The following COL25A1 variants were observed in gnomAD, a reference collection of about 807,000 sequenced individuals.
The protein encoded by COL25A1 is collagen type XXV alpha 1 chain.
A neutral mutation model predicts 128.4 loss-of-function variants in COL25A1; 103 were observed. That is an observed-to-expected ratio of 0.80 (90% confidence interval 0.68 to 0.94). The LOEUF (loss-of-function observed/expected upper bound fraction) is 0.94, where lower values mean the gene tolerates loss of function less well. Among genes scored for constraint, COL25A1 ranks in the 40% least tolerant of loss-of-function variants. The pLI is 0.00. For synonymous variants in COL25A1, 279 were observed against 277.2 expected (o/e 1.01, Z -0.06); for missense variants, 745 against 840.0 (o/e 0.89, Z 1.40).
intron 3 of COL25A1, among the ~76,000 whole-genome samples, chr4:109,092,447 C>T (rs1223886968): frequency 6.6e-6 from 1 of 152,140 alleles, no homozygotes; most frequent in African/African-American, 2.4e-5. Flanking sequence ...TATGGTCATG[C>T]CACTGCATTC....
chr4:109,011,919 T>A (rs541366276), intron 5 of COL25A1, among the ~76,000 whole-genome samples: 35 of 152,346 alleles, frequency 2.3e-4, no homozygotes, highest in African/African-American at 8.2e-4. Flanking sequence ...AACTGATACG[T>A]ATACAGAAGC....
intron 6 of COL25A1, among the ~76,000 whole-genome samples, chr4:108,989,955 G>GT: frequency 6.6e-6 from 1 of 151,828 alleles, no homozygotes; most frequent in Non-Finnish European, 1.5e-5. Flanking sequence ...GCTTACTCCC[G>GT]TAATGCCAAC....
chr4:109,160,263 G>T lies in COL25A1; in HGVS notation c.368-110084C>A, dbSNP rs972148508. ...CCATGAGTAAATAAAGGTCTGAGAA[G>T]AAACACAATCACTCCTTAAAGTTGA... On this transcript the variant is annotated intron_variant, in intron 3 of 37. Transcript: ENST00000399132. Among the ~76,000 whole-genome samples, 16 of 152,202 alleles carry T rather than the reference G, an allele frequency of 1.1e-4. No individual in the cohort carries two copies. In the Middle Eastern group the frequency reaches 0.01, roughly 97 times the overall value.
chr4:109,048,123 A>G, intron 5 of COL25A1, 45 bp downstream of exon 5: 1 of 1,600,310 alleles, frequency 6.2e-7, no homozygotes, highest in Non-Finnish European at 8.6e-7. Context: ...AACATACACA[A>G]TCCTGATAAA....
At chr4:109,257,880 A>G (rs1283001232) in intron 3 of COL25A1, among the ~76,000 whole-genome samples, 2 of 152,244 alleles carry the variant, frequency 1.3e-5, no homozygotes, top group Admixed American at 6.5e-5. Flanking sequence ...CCAAAATTTA[A>G]CAATGGTCAC....
intron 8 of COL25A1, among the ~76,000 whole-genome samples, chr4:108,947,644 TCTCCTCACAA>T (rs1748935382): frequency 6.6e-6 from 1 of 152,088 alleles, no homozygotes; most frequent in African/African-American, 2.4e-5. Context: ...GAATGGTAAT[TCTCCTCACAA>T]AAATTCTAGT....
chr4:109,071,463 C>A (rs753968864), intron 3 of COL25A1, among the ~76,000 whole-genome samples: 12,969 of 151,914 alleles, frequency 0.085, 615 homozygotes, highest in African/African-American at 0.1. Context: ...TAACTAAACT[C>A]AAGAGCTTCT....
intron 3 of COL25A1, among the ~76,000 whole-genome samples, chr4:109,050,722 G>A (rs950474071): frequency 1.8e-4 from 28 of 152,028 alleles, no homozygotes; most frequent in African/African-American, 6.0e-4. Flanking sequence ...GAATTTCACC[G>A]ATCAACAACC....
At chr4:109,069,118 T>G (rs114089110) in intron 3 of COL25A1, among the ~76,000 whole-genome samples, 2,216 of 151,956 alleles carry the variant, frequency 0.015, 47 homozygotes, top group African/African-American at 0.051. Flanking sequence ...ATTTAAATAT[T>G]TTAAACTTTA....
intron 11 of COL25A1, among the ~76,000 whole-genome samples, chr4:108,928,956 C>T (rs1046484421): frequency 1.4e-4 from 22 of 152,182 alleles, no homozygotes; most frequent in African/African-American, 5.3e-4. Context: ...GGATTCTAGC[C>T]TGGTTCTGCC....
intron 6 of COL25A1, among the ~76,000 whole-genome samples, chr4:109,004,854 T>C (rs1264266897): frequency 6.6e-6 from 1 of 152,210 alleles, no homozygotes; most frequent in African/African-American, 2.4e-5. Flanking sequence ...CAGTTTCATG[T>C]ATTTATTTAT....
chr4:109,001,423 A>ACCTGAGATCCT (rs149946011), intron 6 of COL25A1, among the ~76,000 whole-genome samples: 2 of 150,452 alleles, frequency 1.3e-5, no homozygotes, highest in Admixed American at 6.6e-5. Flanking sequence ...TCAGGTAGGC[A>ACCTGAGATCCT]GTGAGCTAGA....
chr4:108,930,069 G>A (rs1398954334), intron 11 of COL25A1, among the ~76,000 whole-genome samples: 1 of 152,104 alleles, frequency 6.6e-6, no homozygotes, highest in Non-Finnish European at 1.5e-5. Flanking sequence ...CAAATGCTGT[G>A]GAGAAGGGGA....
At chr4:109,136,636 T>A (rs2126077846) in intron 3 of COL25A1, among the ~76,000 whole-genome samples, 1 of 152,122 alleles carries the variant, frequency 6.6e-6, no homozygotes, top group South Asian at 2.1e-4. Context: ...TTGCCTGGAG[T>A]CTGGTGTGAA....
chr4:109,200,018 A>G (rs1776423976), intron 3 of COL25A1, among the ~76,000 whole-genome samples: 1 of 152,228 alleles, frequency 6.6e-6, no homozygotes, highest in African/African-American at 2.4e-5. Context: ...ACCTAGCTTA[A>G]ACTAACTGAC....
At chr4:109,294,237 TGCCTGCCATCTGGTGCC>T in intron 3 of COL25A1, among the ~76,000 whole-genome samples, 1 of 152,022 alleles carries the variant, frequency 6.6e-6, no homozygotes. Context: ...AAAGGGGAGG[TGCCTGCCATCTGGTGCC>T]ATTTCCTCAA....
chr4:108,893,943 A>C (rs1210604775), intron 16 of COL25A1, among the ~76,000 whole-genome samples: 1 of 152,198 alleles, frequency 6.6e-6, no homozygotes, highest in Non-Finnish European at 1.5e-5. Context: ...GTTTAGACCC[A>C]TTGAAGGTTT....
intron 5 of COL25A1, among the ~76,000 whole-genome samples, chr4:109,039,196 C>G (rs1024165883): frequency 6.6e-6 from 1 of 152,098 alleles, no homozygotes; most frequent in Non-Finnish European, 1.5e-5. Context: ...TGTCCTCCTC[C>G]TTGTCCTTTA....
chr4:108,815,791 T>C (rs957955121), intron 37 of COL25A1, among the ~76,000 whole-genome samples: 2 of 152,102 alleles, frequency 1.3e-5, no homozygotes, highest in Non-Finnish European at 2.9e-5. Flanking sequence ...CATTTAAGGG[T>C]ATAAACCCCT....
Sources: gnomAD v4.1 joint callset for allele counts (sites outside exome capture counted in the v4.1 genomes callset) on GRCh38, gnomAD v4.1.1 for gene constraint, MANE v1.5 for transcripts, NCBI Gene and HGNC (gene_info 2026-07-23, HGNC 2026-07-21) for gene names.